Variants in MED12L observed in about 807,000 individuals in gnomAD.
MED12L encodes mediator complex subunit 12L.
Under a neutral mutation model 281.3 loss-of-function variants are expected in MED12L, and 60 were observed. That is an observed-to-expected ratio of 0.21 (90% CI 0.17 to 0.26). MED12L has a LOEUF of 0.26. MED12L is among the 10% of genes least tolerant of loss of function. The pLI, the probability that MED12L is intolerant of heterozygous loss-of-function variation, is 1.00. For missense variants in MED12L, 2,146 were observed against 2,680.9 expected (o/e 0.80, Z 4.41); for synonymous variants, 974 against 987.2 (o/e 0.99, Z 0.25).
At chr3:151,327,949 G>T in intron 16 of MED12L, 2 of 1,340,482 alleles carry the variant, frequency 1.5e-6, no homozygotes, top group Non-Finnish European at 2.0e-6. Context: ...ATTATCTACG[G>T]AAGTCTCATC....
At chr3:151,130,950 A>G (rs1715303012) in intron 5 of MED12L, among the ~76,000 whole-genome samples, 1 of 152,228 alleles carries the variant, frequency 6.6e-6, no homozygotes, top group Admixed American at 6.5e-5. Flanking sequence ...CTCTGAAGAC[A>G]GTACTTGGCA....
At chr3:151,196,682 A>T (rs1306489452) in intron 16 of MED12L, among the ~76,000 whole-genome samples, 1 of 152,210 alleles carries the variant, frequency 6.6e-6, no homozygotes, top group Non-Finnish European at 1.5e-5. Context: ...ACTGTGTCAG[A>T]TGTGTGAGGC....
chr3:151,277,281 A>T (rs755745865), intron 16 of MED12L, among the ~76,000 whole-genome samples: 30 of 152,186 alleles, frequency 2.0e-4, no homozygotes, highest in Non-Finnish European at 3.7e-4. Flanking sequence ...TGTGCACACA[A>T]TTGTATGCAT....
At chr3:151,191,002 C>T in intron 14 of MED12L, 71 bp downstream of exon 14, 5 of 1,349,472 alleles carry the variant, frequency 3.7e-6, no homozygotes, top group Non-Finnish European at 4.2e-6. Flanking sequence ...TCAAATGGGT[C>T]ATGTAGTGGT....
intron 11 of MED12L, among the ~76,000 whole-genome samples, chr3:151,168,686 T>C (rs1721019540): frequency 6.6e-6 from 1 of 152,230 alleles, no homozygotes; most frequent in Non-Finnish European, 1.5e-5. Flanking sequence ...GATGGATCCT[T>C]CTGTAATACT....
chr3:151,333,318 C>A (rs934160132), intron 16 of MED12L, among the ~76,000 whole-genome samples: 2 of 152,164 alleles, frequency 1.3e-5, no homozygotes, highest in African/African-American at 4.8e-5. Context: ...TGAGAAAAGC[C>A]AAACTGCTTT....
intron 16 of MED12L, among the ~76,000 whole-genome samples, chr3:151,317,602 G>A (rs1160759428): frequency 1.3e-4 from 20 of 150,816 alleles, no homozygotes; most frequent in Admixed American, 8.6e-4. Context: ...AGGTGCCCAC[G>A]ACTACACCCG....
At chr3:151,112,047 A>T (rs1285900989) in intron 2 of MED12L, among the ~76,000 whole-genome samples, 3 of 152,202 alleles carry the variant, frequency 2.0e-5, no homozygotes, top group Admixed American at 2.0e-4. Flanking sequence ...TTTAATATAC[A>T]TTTAATACAC....
intron 16 of MED12L, among the ~76,000 whole-genome samples, chr3:151,292,908 T>C (rs1281363927): frequency 3.3e-5 from 5 of 152,208 alleles, no homozygotes; most frequent in African/African-American, 1.2e-4. Context: ...AAAATATGAC[T>C]ATCTTAATCT....
At chr3:151,318,239 G>A (rs186827813) in intron 16 of MED12L, among the ~76,000 whole-genome samples, 1 of 151,626 alleles carries the variant, frequency 6.6e-6, no homozygotes, top group Non-Finnish European at 1.5e-5. Flanking sequence ...ACTTAATAAT[G>A]GCCTAATCTT....
At chr3:151,169,115 T>G (rs866702814) in intron 11 of MED12L, among the ~76,000 whole-genome samples, 3 of 143,592 alleles carry the variant, frequency 2.1e-5, no homozygotes, top group Non-Finnish European at 3.0e-5. Context: ...TGTTTTTTTT[T>G]TTTTTTGTTT....
In MED12L at chr3:151,086,796, A is replaced by G; in HGVS notation, c.-129-2A>G. On this transcript the variant is annotated splice_acceptor_variant, in intron 1 of 44. Transcript: ENST00000687756. LOFTEE classifies it low-confidence loss of function (5UTR_SPLICE). ...AACCTGCTTTATTCCTCCTGCCTGC[A>G]GCGCCACAGCGAGCGAGCGAGCGAG... The G allele has an allele frequency of 1.5e-6, 1 of 677,208 alleles. No individual in the cohort carries two copies. The highest frequency in any genetic ancestry group is 2.5e-6 in the Non-Finnish European group (1 of 402,720). 41.9% of individuals were successfully genotyped at this position (677,208 alleles called of 1,614,324 possible).
intron 16 of MED12L, among the ~76,000 whole-genome samples, chr3:151,230,829 A>G (rs971714498): frequency 6.6e-6 from 1 of 152,316 alleles, no homozygotes; most frequent in East Asian, 1.9e-4. Flanking sequence ...ATGCAGAAGT[A>G]GTGACTTCCC....
intron 16 of MED12L, among the ~76,000 whole-genome samples, chr3:151,263,622 T>C (rs1246257885): frequency 6.6e-6 from 1 of 152,224 alleles, no homozygotes; most frequent in Non-Finnish European, 1.5e-5. Context: ...TTTAAATTTT[T>C]TAAGTGTTAT....
chr3:151,223,183 A>AAAAG (rs1287436936), intron 16 of MED12L, among the ~76,000 whole-genome samples: 1 of 151,092 alleles, frequency 6.6e-6, no homozygotes, highest in Non-Finnish European at 1.5e-5. Flanking sequence ...TCCAAAAAAA[A>AAAAG]AAAAAAACTA....
intron 17 of MED12L, among the ~76,000 whole-genome samples, chr3:151,351,528 C>T (rs1753238381): frequency 6.6e-6 from 1 of 152,008 alleles, no homozygotes; most frequent in African/African-American, 2.4e-5. Context: ...AGAAAGTGCT[C>T]TGTCTAAGAA....
intron 23 of MED12L, among the ~76,000 whole-genome samples, 163 bp downstream of exon 23, chr3:151,366,154 G>A (rs1755242757): frequency 6.6e-6 from 1 of 151,790 alleles, no homozygotes; most frequent in African/African-American, 2.4e-5. Context: ...ACATTGCCAG[G>A]GATTAAATAC....
At chr3:151,282,633 C>G (rs1742971389) in intron 16 of MED12L, among the ~76,000 whole-genome samples, 1 of 152,096 alleles carries the variant, frequency 6.6e-6, no homozygotes, top group Non-Finnish European at 1.5e-5. Flanking sequence ...TTGGATGGCT[C>G]TTTTACTTGT....
chr3:151,385,316 T>G, intron 36 of MED12L, 125 bp downstream of exon 36: 1 of 572,792 alleles, frequency 1.7e-6, no homozygotes, highest in Non-Finnish European at 2.9e-6. Context: ...GGCATATGCT[T>G]GTCTTCTAAG....
Sources: gnomAD v4.1 joint callset for allele counts (sites outside exome capture counted in the v4.1 genomes callset) on GRCh38, gnomAD v4.1.1 for gene constraint, MANE v1.5 for transcripts, NCBI Gene and HGNC (gene_info 2026-07-23, HGNC 2026-07-21) for gene names.